The following PHAF1 variants were observed in gnomAD, a reference collection of about 807,000 sequenced individuals.
PHAF1 encodes the protein phagophore assembly factor 1.
Under a neutral mutation model 63.1 loss-of-function variants are expected in PHAF1, and 23 were observed. The ratio of observed to expected loss-of-function variants is 0.36; its 90% CI spans 0.26 to 0.52. PHAF1 has a LOEUF of 0.52. PHAF1 is among the 20% of genes least tolerant of loss of function. PHAF1 has a pLI of 0.93. For missense variants in PHAF1, 427 were observed against 517.2 expected, an observed-to-expected ratio of 0.83 and a Z score of 1.69; for synonymous variants, 167 against 185.0, an observed-to-expected ratio of 0.90 and a Z score of 0.79.
intron 4 of PHAF1, 74 bp from the exon 5 acceptor site, chr16:67,132,372 C>A: frequency 7.7e-7 from 1 of 1,297,734 alleles, no homozygotes; most frequent in South Asian, 1.4e-5. Flanking sequence ...AAATAACTCT[C>A]CCAGCTACTA....
Position 67,148,245 on chromosome 16 carries a change from A to G in PHAF1, c.*1114A>G, listed in dbSNP as rs1011891471. On this transcript the variant is annotated 3_prime_UTR_variant, in exon 16 of 16. Coordinates refer to ENST00000219139, the MANE Select transcript of PHAF1 (RefSeq NM_025187.5). ...ACTCATGTACAGCCTCATCCTGTAT[A>G]GTTTAATGATGAATGTGCAGGGGAC... 2 of 152,652 alleles carry G rather than the reference A, an allele frequency of 1.3e-5. No homozygotes were observed. The highest frequency in any genetic ancestry group is 2.4e-5 in the African/African-American group (1 of 41,460). The allele number at this position is 152,652 out of a possible 1,614,324, so 9.5% of individuals were successfully genotyped here.
In PHAF1 at chr16:67,132,465, C is replaced by G; in HGVS notation, c.295C>G (p.Gln99Glu). Reference protein sequence around the residue: ...LKYCGVHFNSQAIAPTIEQID... With the variant: ...LKYCGVHFNSEAIAPTIEQID... Reference sequence around the variant, plus strand: ...TTTCAGTGGCGTGCATTTTAATTCTCAGGCCATAGCTCCTACCATTGAACA... The same window carrying G: ...TTTCAGTGGCGTGCATTTTAATTCTGAGGCCATAGCTCCTACCATTGAACA... The change falls in exon 5 of 16, where the codon CAG (glutamine) becomes GAG (glutamate). Residue 99 changes from glutamine (Q) to glutamate (E), a missense_variant. Transcript: ENST00000219139. The G allele has an allele frequency of 6.2e-7, 1 of 1,604,484 alleles. No homozygotes were observed. Among genetic ancestry groups the G allele is most frequent in the Non-Finnish European group, 8.5e-7 (1 of 1,174,358 alleles).
chr16:67,145,432 C>T lies in PHAF1; in HGVS notation c.1050+13C>T, dbSNP rs750344340. ...GACCTACAGCAAGGTGAGCACCTAT[C>T]TTCCTACCTGGCATAGCCTGAGAAT... is the stretch of plus-strand genomic sequence containing the variant. On this transcript the variant is annotated intron_variant, in intron 13 of 15. Coordinates refer to ENST00000219139, the MANE Select transcript of PHAF1 (RefSeq NM_025187.5). 6.2e-7 allele frequency: 1 copy of T among 1,614,190 alleles called. No homozygotes were observed.
chr16:67,110,276 G>A, intron 1 of PHAF1, 37 bp downstream of exon 1: 1 of 1,548,522 alleles, frequency 6.5e-7, no homozygotes, highest in Non-Finnish European at 8.7e-7. Flanking sequence ...CCCATTCGCT[G>A]ATCCTTGCTT....
intron 2 of PHAF1, among the ~76,000 whole-genome samples, chr16:67,121,285 G>T (rs9937595): frequency 0.057 from 8,577 of 151,346 alleles, 822 homozygotes; most frequent in African/African-American, 0.2. Context: ...CGCCTCCTGG[G>T]TTCACCCGCC....
At chr16:67,142,897 G>T (rs570238796) in intron 10 of PHAF1, among the ~76,000 whole-genome samples, 1 of 152,192 alleles carries the variant, frequency 6.6e-6, no homozygotes, top group Non-Finnish European at 1.5e-5. Context: ...TCCTTGCAGC[G>T]GCCACTCCAG....
chr16:67,138,923 T>C (rs1395685665), intron 8 of PHAF1, among the ~76,000 whole-genome samples: 1 of 152,084 alleles, frequency 6.6e-6, no homozygotes. Flanking sequence ...AGAGTACTTT[T>C]GTAGTTTTTT....
chr16:67,139,961 CCT>C (rs779780108), intron 8 of PHAF1, 21 bp from the exon 9 acceptor site: 1 of 1,613,894 alleles, frequency 6.2e-7, no homozygotes, highest in South Asian at 1.1e-5. Flanking sequence ...AACCTGACAA[CCT>C]CTCTGTCTTG....
chr16:67,116,004 G>T lies in PHAF1; in HGVS notation c.65-4108G>T, dbSNP rs1962718578. ...CCCGTCTCTTTGAAAAAAAGAAAAA[G>T]AAACTGGCATGTGCCACGTGGATCA... On this transcript the variant is annotated intron_variant, in intron 1 of 15. Coordinates refer to ENST00000219139, the MANE Select transcript of PHAF1 (RefSeq NM_025187.5). Among the ~76,000 whole-genome samples the T allele has an allele frequency of 2.6e-5, 4 of 152,166 alleles. No homozygotes were observed. The South Asian group carries it at 6.2e-4, about 24-fold the overall frequency.
intron 1 of PHAF1, among the ~76,000 whole-genome samples, chr16:67,118,543 G>A (rs1962845678): frequency 1.3e-5 from 2 of 150,830 alleles, no homozygotes; most frequent in African/African-American, 4.9e-5. Context: ...CACCACGTTG[G>A]CTAGGTTGGT....
chr16:67,147,156 G>A lies in PHAF1; in HGVS notation c.*25G>A, dbSNP rs1160796684. The A allele has an allele frequency of 1.9e-6, 3 of 1,580,604 alleles. No individual in the cohort carries two copies. The highest frequency in any genetic ancestry group is 2.6e-6 in the Non-Finnish European group (3 of 1,149,644). ...GGGACACCACCACCCATGCCCCTCT[G>A]TCCCGTGGAACTGTGCATCACATCC... is the stretch of plus-strand genomic sequence containing the variant. On this transcript the variant is annotated 3_prime_UTR_variant, in exon 16 of 16. Coordinates refer to ENST00000219139, the MANE Select transcript of PHAF1 (RefSeq NM_025187.5).
intron 2 of PHAF1, among the ~76,000 whole-genome samples, chr16:67,120,601 A>C (rs914347143): frequency 1.3e-5 from 2 of 148,730 alleles, no homozygotes; most frequent in African/African-American, 5.0e-5. Flanking sequence ...TCTAGCTAGC[A>C]CGGCATACCA....
chr16:67,131,180 GTTTT>G (rs71145961), intron 3 of PHAF1, 102 bp from the exon 4 acceptor site: 57 of 248,946 alleles, frequency 2.3e-4, no homozygotes, highest in East Asian at 2.6e-4. Flanking sequence ...ATTGGTAATA[GTTTT>G]TTTTTTTTTT....
chr16:67,118,641 C>T (rs1384159341), intron 1 of PHAF1, among the ~76,000 whole-genome samples: 1 of 150,940 alleles, frequency 6.6e-6, no homozygotes, highest in Admixed American at 6.6e-5. Flanking sequence ...GGCCCCTTGT[C>T]GCTATTTTTA....
At chr16:67,129,592 A>C (rs1567645621) in intron 3 of PHAF1, among the ~76,000 whole-genome samples, 1 of 152,218 alleles carries the variant, frequency 6.6e-6, no homozygotes, top group Non-Finnish European at 1.5e-5. Flanking sequence ...CCTCTTCCAC[A>C]ATCAGGCTCA....
At chr16:67,122,779 G>C (rs1202781590) in intron 2 of PHAF1, among the ~76,000 whole-genome samples, 1 of 151,914 alleles carries the variant, frequency 6.6e-6, no homozygotes, top group East Asian at 1.9e-4. Flanking sequence ...CCCAGGCTGG[G>C]GTACAGTGGC....
At chr16:67,122,108 C>T (rs548085941) in intron 2 of PHAF1, among the ~76,000 whole-genome samples, 49 of 152,038 alleles carry the variant, frequency 3.2e-4, no homozygotes, top group Non-Finnish European at 6.0e-4. Flanking sequence ...CTGTGTTTTT[C>T]AGGCTGGTCT....
At chr16:67,117,572 C>A (rs937339932) in intron 1 of PHAF1, among the ~76,000 whole-genome samples, 13 of 151,094 alleles carry the variant, frequency 8.6e-5, no homozygotes, top group African/African-American at 7.3e-5. Context: ...GTCAGGAGAT[C>A]GAGACCATCC....
chr16:67,132,851 C>T lies in PHAF1; in HGVS notation c.390C>T (p.Asn130=), dbSNP rs1039926107. Residue 130 remains asparagine (N), a synonymous_variant, in exon 6 of 16, where the codon AAC becomes AAT. Transcript: ENST00000219139. ...CCGCTGAGCAGCTCTTCCATCTCAA[C>T]TTCAGAGGACTGTCTTTCTCTTTTC... ...YNSAEQLFHL[N]FRGLSFSFQL... 3 of 1,613,794 alleles carry T rather than the reference C, an allele frequency of 1.9e-6. No homozygotes were observed. Among genetic ancestry groups the T allele is most frequent in the African/African-American group, 2.7e-5 (2 of 74,922 alleles).
Sources: gnomAD v4.1 joint callset for allele counts (sites outside exome capture counted in the v4.1 genomes callset) on GRCh38, gnomAD v4.1.1 for gene constraint, MANE v1.5 for transcripts, NCBI Gene and HGNC (gene_info 2026-07-23, HGNC 2026-07-21) for gene names.